Variants in APLF observed in about 807,000 individuals in gnomAD.
The protein encoded by APLF is aprataxin and PNKP like factor.
A neutral mutation model predicts 55.6 loss-of-function variants in APLF; 61 were observed. The observed-to-expected ratio is 1.10, with a 90% CI of 0.89 to 1.36. The LOEUF is 1.36. APLF is among the 40% of genes most tolerant of loss of function. The pLI is 0.00. For missense variants in APLF, 611 were observed against 602.5 expected (o/e 1.01, Z -0.15); for synonymous variants, 207 against 214.8 (o/e 0.96, Z 0.32).
chr2:68,574,459 C>G (rs1211815224), intron 9 of APLF, among the ~76,000 whole-genome samples: 3 of 152,150 alleles, frequency 2.0e-5, no homozygotes, highest in Non-Finnish European at 4.4e-5. Context: ...GAGCTGAATT[C>G]TAGAGCTGAC....
chr2:68,518,604 A>G (rs942641794), intron 5 of APLF, among the ~76,000 whole-genome samples: 126 of 81,352 alleles, frequency 1.5e-3, no homozygotes, highest in Non-Finnish European at 2.1e-3. Flanking sequence ...AATATATAAT[A>G]TATCATTAAT....
Position 68,529,315 on chromosome 2 carries a change from A to C in APLF, c.804+3073A>C, listed in dbSNP as rs2103989603. 2 of 1,375,520 alleles carry C rather than the reference A, an allele frequency of 1.5e-6. No individual in the cohort carries two copies. The highest frequency in any genetic ancestry group is 1.7e-5 in the South Asian group (1 of 57,930). 85.2% of individuals were successfully genotyped at this position (1,375,520 alleles called of 1,614,324 possible). A position where few individuals can be genotyped will look rare whatever the true frequency, so the allele number is the denominator to read the frequency against. ...GGTTGAAGAGGAGTGGGAAACAGCC[A>C]AAGAGTCCTGGGGCAGGCACAGGTG... is the stretch of plus-strand genomic sequence containing the variant. On this transcript the variant is annotated intron_variant, in intron 6 of 9. Coordinates refer to ENST00000303795, the MANE Select transcript of APLF (RefSeq NM_173545.3). The surrounding 1 kb of genome is among the most constrained non-coding windows in gnomAD (Gnocchi z 4.4).
At chr2:68,517,459 A>T (rs940324995) in intron 5 of APLF, among the ~76,000 whole-genome samples, 16 of 138,672 alleles carry the variant, frequency 1.2e-4, no homozygotes, top group Admixed American at 6.1e-4. Context: ...ACTATATATT[A>T]ATATATCAAT....
intron 3 of APLF, among the ~76,000 whole-genome samples, chr2:68,506,473 G>C (rs1023473978): frequency 6.6e-6 from 1 of 151,840 alleles, no homozygotes; most frequent in African/African-American, 2.4e-5. Flanking sequence ...AACTAGCTCT[G>C]TTTTGCAGGG....
chr2:68,505,678 T>C (rs1453952641), intron 3 of APLF, among the ~76,000 whole-genome samples: 1 of 151,970 alleles, frequency 6.6e-6, no homozygotes, highest in Admixed American at 6.6e-5. Flanking sequence ...AGAAGATACA[T>C]AGGGTGAGGT....
intron 8 of APLF, among the ~76,000 whole-genome samples, chr2:68,546,953 A>T (rs1670723895): frequency 6.6e-6 from 1 of 151,808 alleles, no homozygotes; most frequent in Admixed American, 6.6e-5. Flanking sequence ...AAGAAATAAA[A>T]CTTTGTGTTA....
chr2:68,488,945 A>C (rs1676271304), intron 1 of APLF, among the ~76,000 whole-genome samples: 1 of 152,142 alleles, frequency 6.6e-6, no homozygotes, highest in Non-Finnish European at 1.5e-5. Context: ...CACATTGTGC[A>C]CATGTACCCT....
chr2:68,527,266 C>T (rs1670089455), intron 6 of APLF, among the ~76,000 whole-genome samples: 1 of 151,166 alleles, frequency 6.6e-6, no homozygotes, highest in South Asian at 2.1e-4. Context: ...GGAGGCGGGG[C>T]AGAGGCACTC....
At chr2:68,556,971 T>C (rs1671035480) in intron 8 of APLF, among the ~76,000 whole-genome samples, 1 of 152,182 alleles carries the variant, frequency 6.6e-6, no homozygotes, top group Admixed American at 6.6e-5. Context: ...TCAATAATTT[T>C]TTATTTGCTG....
At chr2:68,545,531 C>A (rs1670681425) in intron 8 of APLF, among the ~76,000 whole-genome samples, 1 of 152,046 alleles carries the variant, frequency 6.6e-6, no homozygotes. Flanking sequence ...GAAATTTTTC[C>A]TTATTTCCAA....
intron 5 of APLF, 146 bp from the exon 6 acceptor site, chr2:68,525,915 A>G (rs1293052588): frequency 1.3e-5 from 9 of 703,798 alleles, no homozygotes; most frequent in East Asian, 3.0e-5. Context: ...ACACCTGCCT[A>G]TCTTTTGTAT....
chr2:68,569,797 G>T (rs1290140723), intron 9 of APLF, among the ~76,000 whole-genome samples: 1 of 152,122 alleles, frequency 6.6e-6, no homozygotes. Context: ...TAATCAGTTG[G>T]CTGTGATATG....
chr2:68,546,162 T>C (rs1346864176), intron 8 of APLF, among the ~76,000 whole-genome samples: 1 of 152,076 alleles, frequency 6.6e-6, no homozygotes, highest in African/African-American at 2.4e-5. Flanking sequence ...TAATCAACTT[T>C]ACCAATAAAC....
intron 3 of APLF, 114 bp from the exon 4 acceptor site, chr2:68,512,966 G>T (rs371139424): frequency 3.6e-6 from 3 of 838,052 alleles, no homozygotes; most frequent in Non-Finnish European, 5.6e-6. Context: ...ACTATAATCT[G>T]CTTTTTTTGG....
At chr2:68,501,495 T>C (rs1676721644) in intron 2 of APLF, among the ~76,000 whole-genome samples, 1 of 152,154 alleles carries the variant, frequency 6.6e-6, no homozygotes. Context: ...TTATTTGTTT[T>C]AAAAACCCAG....
intron 5 of APLF, among the ~76,000 whole-genome samples, chr2:68,525,742 CTTT>C (rs386390398): frequency 1.7e-4 from 14 of 82,028 alleles, no homozygotes; most frequent in African/African-American, 8.0e-4. Context: ...TTCTTTCTTT[CTTT>C]TTTTTTTTTT....
rs377389138 is a variant in APLF, at chr2:68,545,279, G to A, written c.1253G>A (p.Arg418Gln). The A allele has an allele frequency of 1.6e-5, 26 of 1,613,616 alleles. No homozygotes were observed. Among genetic ancestry groups the A allele is most frequent in the African/African-American group, 1.1e-4 (8 of 74,890 alleles). The change falls in exon 8 of 10, where the codon CGG becomes CAG. Residue 418 changes from arginine to glutamine, a missense_variant. Transcript: ENST00000303795. ...GTGGGCCAAGATGAGACTGATGACC[G>A]GCCTGAATGTCCCTATGGACCATCC... The part of the protein sequence containing the change: ...QIVGQDETDD[R>Q]PECPYGPSCY...
intron 6 of APLF, among the ~76,000 whole-genome samples, chr2:68,534,960 A>G (rs536588688): frequency 6.6e-6 from 1 of 152,224 alleles, no homozygotes; most frequent in Non-Finnish European, 1.5e-5. Flanking sequence ...TAAACCATGA[A>G]TGTTAAATTC....
At chr2:68,577,781 G>A in intron 9 of APLF, 39 bp from the exon 10 acceptor site, 2 of 1,601,486 alleles carry the variant, frequency 1.2e-6, no homozygotes, top group East Asian at 4.5e-5. Flanking sequence ...CAGGTTGAGT[G>A]GTGATTGATG....
Sources: gnomAD v4.1 joint callset for allele counts (sites outside exome capture counted in the v4.1 genomes callset) on GRCh38, gnomAD v4.1.1 for gene constraint, Gnocchi (gnomAD v3.1) non-coding constraint, MANE v1.5 for transcripts, NCBI Gene and HGNC (gene_info 2026-07-23, HGNC 2026-07-21) for gene names.